The following TAFA2 variants were observed in gnomAD, a reference collection of about 807,000 sequenced individuals.
TAFA2 encodes chemokine-like protein TAFA-2.
Under a neutral mutation model 18.8 loss-of-function variants are expected in TAFA2, and 7 were observed. The ratio of observed to expected loss-of-function variants is 0.37; its 90% confidence interval spans 0.21 to 0.70. The LOEUF (loss-of-function observed/expected upper bound fraction) is 0.70. Ranked by LOEUF, TAFA2 falls within the 30% of genes least tolerant of loss-of-function variation. The probability of loss-of-function intolerance (pLI) is 0.53; values close to 1 mark genes in which losing one functional copy is unlikely to be tolerated. For missense variants in TAFA2, 122 were observed against 158.1 expected, an observed-to-expected ratio of 0.77 and a Z score of 1.23; for synonymous variants, 60 against 54.2, an observed-to-expected ratio of 1.11 and a Z score of -0.47.
intron 1 of TAFA2, chr12:62,023,856 T>C (rs1379987100): frequency 2.6e-5 from 4 of 152,208 alleles, no homozygotes; most frequent in Admixed American, 2.6e-4. Flanking sequence ...TATATAATTT[T>C]CTCTCATTCA....
chr12:61,942,433 A>G (rs1048530798), intron 1 of TAFA2, among the ~76,000 whole-genome samples: 1 of 151,442 alleles, frequency 6.6e-6, no homozygotes, highest in African/African-American at 2.4e-5. Flanking sequence ...CTCACCAGCA[A>G]TGGAACAAAG....
At chr12:61,920,813 T>C (rs575836318) in intron 1 of TAFA2, among the ~76,000 whole-genome samples, 3 of 151,286 alleles carry the variant, frequency 2.0e-5, no homozygotes, top group Non-Finnish European at 4.4e-5. Flanking sequence ...ATAAATAAAC[T>C]ATATAGAATA....
chr12:61,940,642 G>A (rs571085394), intron 1 of TAFA2, among the ~76,000 whole-genome samples: 6 of 152,168 alleles, frequency 3.9e-5, no homozygotes, highest in African/African-American at 7.2e-5. Context: ...GCTGTGAACC[G>A]CAGAGTGATA....
At chr12:61,974,732 A>T (rs1879369130) in intron 1 of TAFA2, among the ~76,000 whole-genome samples, 1 of 151,796 alleles carries the variant, frequency 6.6e-6, no homozygotes, top group South Asian at 2.1e-4. Context: ...CAGGGACACT[A>T]CTATTTAAAT....
At chr12:62,173,466 C>G (rs549516272) in intron 1 of TAFA2, among the ~76,000 whole-genome samples, 4 of 152,114 alleles carry the variant, frequency 2.6e-5, no homozygotes, top group Admixed American at 6.6e-5. Flanking sequence ...GTCAATTTCC[C>G]TTTAAGACAT....
chr12:62,087,714 C>T (rs1387497047), intron 1 of TAFA2, among the ~76,000 whole-genome samples: 1 of 152,066 alleles, frequency 6.6e-6, no homozygotes, highest in Middle Eastern at 3.4e-3. Context: ...GATTTTTGAG[C>T]AGGAGAATTA....
At chr12:62,170,615 T>TG (rs1474999901) in intron 1 of TAFA2, among the ~76,000 whole-genome samples, 1 of 152,214 alleles carries the variant, frequency 6.6e-6, no homozygotes, top group African/African-American at 2.4e-5. Context: ...AAATACTATA[T>TG]GGGGTTTTTC....
intron 1 of TAFA2, among the ~76,000 whole-genome samples, chr12:62,107,053 A>G (rs1869491921): frequency 6.6e-6 from 1 of 152,234 alleles, no homozygotes; most frequent in East Asian, 1.9e-4. Context: ...TTTTGATTTC[A>G]TTTTCTTATA....
At chr12:61,833,887 G>A (rs949393072) in intron 2 of TAFA2, among the ~76,000 whole-genome samples, 1 of 151,836 alleles carries the variant, frequency 6.6e-6, no homozygotes, top group African/African-American at 2.4e-5. Flanking sequence ...GAATAATTTA[G>A]GGAGTTTTAA....
At chr12:62,057,810 T>G (rs1565730423) in intron 1 of TAFA2, among the ~76,000 whole-genome samples, 1 of 148,226 alleles carries the variant, frequency 6.7e-6, no homozygotes, top group Non-Finnish European at 1.5e-5. Context: ...TTAACCACAC[T>G]AATTAGACAT....
chr12:61,923,719 A>C (rs974862107), intron 1 of TAFA2, among the ~76,000 whole-genome samples: 2 of 152,026 alleles, frequency 1.3e-5, no homozygotes. Context: ...AAAGGGAACA[A>C]AACTGGATGG....
chr12:62,208,873 G>A (rs1286049726), intron 1 of TAFA2, among the ~76,000 whole-genome samples: 1 of 152,144 alleles, frequency 6.6e-6, no homozygotes, highest in African/African-American at 2.4e-5. Context: ...TCCACCTGAG[G>A]TGTGATACAC....
intron 2 of TAFA2, among the ~76,000 whole-genome samples, chr12:61,775,101 A>T (rs958041436): frequency 1.3e-5 from 2 of 151,804 alleles, no homozygotes; most frequent in Non-Finnish European, 2.9e-5. Context: ...GATAAATGCA[A>T]ACTGAAATGA....
At chr12:61,882,899 G>T (rs1214751164) in intron 1 of TAFA2, among the ~76,000 whole-genome samples, 1 of 152,086 alleles carries the variant, frequency 6.6e-6, no homozygotes, top group African/African-American at 2.4e-5. Flanking sequence ...AATATGACTT[G>T]CCTTAACTAC....
chr12:61,796,027 T>C (rs11174177), intron 2 of TAFA2, among the ~76,000 whole-genome samples: 1 of 151,874 alleles, frequency 6.6e-6, no homozygotes, highest in Non-Finnish European at 1.5e-5. Flanking sequence ...AGTCTCATAC[T>C]CTCCTAGTGG....
intron 1 of TAFA2, among the ~76,000 whole-genome samples, chr12:62,220,396 C>T (rs1316506779): frequency 6.6e-6 from 1 of 152,070 alleles, no homozygotes; most frequent in Non-Finnish European, 1.5e-5. Context: ...ACATTACAAC[C>T]CCAAATCCTG....
chr12:62,256,708 T>C (rs2062940820), intron 1 of TAFA2, among the ~76,000 whole-genome samples: 1 of 152,204 alleles, frequency 6.6e-6, no homozygotes, highest in Non-Finnish European at 1.5e-5. Context: ...ACCTAACATT[T>C]GTCTGAAATA....
chr12:62,148,433 T>C (rs772886926), intron 1 of TAFA2, among the ~76,000 whole-genome samples: 32 of 152,128 alleles, frequency 2.1e-4, no homozygotes, highest in Non-Finnish European at 4.0e-4. Flanking sequence ...CTAAGCGAAT[T>C]GATATAGAAA....
chr12:62,006,020 A>T (rs1278832105), intron 1 of TAFA2, among the ~76,000 whole-genome samples: 1 of 152,174 alleles, frequency 6.6e-6, no homozygotes, highest in Non-Finnish European at 1.5e-5. Flanking sequence ...CATTTTTATA[A>T]TACTATGAAG....
Sources: gnomAD v4.1 joint callset for allele counts (sites outside exome capture counted in the v4.1 genomes callset) on GRCh38, gnomAD v4.1.1 for gene constraint, MANE v1.5 for transcripts, NCBI Gene and HGNC (gene_info 2026-07-23, HGNC 2026-07-21) for gene names.